The following HMGXB3 variants were observed in gnomAD, a reference collection of about 807,000 sequenced individuals.
HMGXB3 encodes the protein HMG domain-containing protein 3.
HMGXB3 carries 45 observed loss-of-function variants against 121.5 expected under a neutral mutation model. The observed-to-expected ratio is 0.37, with a 90% CI of 0.29 to 0.47. HMGXB3 has a LOEUF of 0.47. HMGXB3 is among the 20% of genes least tolerant of loss of function. HMGXB3 has a pLI of 0.99. For synonymous variants in HMGXB3, 590 were observed against 624.1 expected (o/e 0.95, Z 0.81); for missense variants, 1,376 against 1,602.2 (o/e 0.86, Z 2.41).
chr5:150,048,471 C>A, intron 17 of HMGXB3, 98 bp from the exon 18 acceptor site: 2 of 847,876 alleles, frequency 2.4e-6, no homozygotes, highest in Non-Finnish European at 3.9e-6. Flanking sequence ...GCAGTTTATT[C>A]TTTTGCTTTG....
intron 5 of HMGXB3, among the ~76,000 whole-genome samples, chr5:150,017,048 C>T (rs1352039892): frequency 6.6e-6 from 1 of 152,172 alleles, no homozygotes; most frequent in Non-Finnish European, 1.5e-5. Context: ...GTTATTTCTC[C>T]TGAGTCTTTA....
chr5:150,016,361 AGG>A (rs371242157), intron 5 of HMGXB3, among the ~76,000 whole-genome samples: 6 of 122,162 alleles, frequency 4.9e-5, no homozygotes, highest in African/African-American at 9.6e-5. Flanking sequence ...AAAAAAAAAA[AGG>A]AGGTGACATT....
At chr5:150,038,023 A>G (rs773457829) in intron 13 of HMGXB3, among the ~76,000 whole-genome samples, 12 of 152,210 alleles carry the variant, frequency 7.9e-5, no homozygotes, top group Non-Finnish European at 1.8e-4. Context: ...GAAGTACATG[A>G]CCATTTTTAT....
intron 1 of HMGXB3, among the ~76,000 whole-genome samples, chr5:150,002,053 T>G (rs944606237): frequency 3.3e-5 from 5 of 152,196 alleles, no homozygotes; most frequent in Non-Finnish European, 5.9e-5. Context: ...ACTATGGCAG[T>G]TAGAATGTAG....
At chr5:150,027,592 C>T (rs1323703912) in intron 9 of HMGXB3, among the ~76,000 whole-genome samples, 1 of 151,840 alleles carries the variant, frequency 6.6e-6, no homozygotes, top group Non-Finnish European at 1.5e-5. Flanking sequence ...ACTCTGTCAC[C>T]CAGGCTGGAG....
chr5:150,002,059 TG>T (rs1367446202), intron 1 of HMGXB3, among the ~76,000 whole-genome samples: 1 of 152,214 alleles, frequency 6.6e-6, no homozygotes, highest in Admixed American at 6.5e-5. Flanking sequence ...GCAGTTAGAA[TG>T]TAGGTTTTTG....
intron 9 of HMGXB3, among the ~76,000 whole-genome samples, chr5:150,028,883 T>G (rs1043006243): frequency 6.6e-6 from 1 of 152,010 alleles, no homozygotes; most frequent in Non-Finnish European, 1.5e-5. Context: ...TCTTCTTTAT[T>G]TTATTGTATA....
chr5:150,008,094 C>CACACACACACACACACACACAT (rs746974088), intron 3 of HMGXB3, among the ~76,000 whole-genome samples: 1 of 147,620 alleles, frequency 6.8e-6, no homozygotes, highest in African/African-American at 2.5e-5. Context: ...CACACACACA[C>CACACACACACACACACACACAT]ACACAAATCA....
intron 1 of HMGXB3, 107 bp downstream of exon 1, chr5:150,001,286 C>T (rs1229990899): frequency 6.6e-6 from 1 of 152,324 alleles, no homozygotes; most frequent in Admixed American, 6.5e-5. Context: ...GGCCACTGAG[C>T]CTTAGTGTCC....
At chr5:150,043,646 G>A (rs1230276035) in intron 15 of HMGXB3, among the ~76,000 whole-genome samples, 1 of 152,224 alleles carries the variant, frequency 6.6e-6, no homozygotes, top group Non-Finnish European at 1.5e-5. Flanking sequence ...CCTAGTAGTA[G>A]TGTTAATAAT....
chr5:150,024,747 G>A, intron 7 of HMGXB3, 67 bp downstream of exon 7: 2 of 1,315,474 alleles, frequency 1.5e-6, no homozygotes, highest in Non-Finnish European at 2.0e-6. Context: ...TCTCATGTCT[G>A]TACAGCATGC....
chr5:150,010,505 T>C lies in HMGXB3; in HGVS notation c.707T>C (p.Ile236Thr). Residue 236 changes from isoleucine (I) to threonine (T), a missense_variant, in exon 4 of 20, where the codon ATT becomes ACT. Around this residue, in one of 2 missense-constraint regions of HMGXB3, gnomAD observed 1,116 missense variants for 1,369.0 expected, o/e 0.82. Transcript: ENST00000502717. ...SHQPYQTSLV[I>T]EETLVNGSPD... Reference sequence around the variant, plus strand: ...CAACCTTACCAGACAAGCCTGGTAATTGAAGAGACCTTGGTGAATGGCTCA... The same window carrying C: ...CAACCTTACCAGACAAGCCTGGTAACTGAAGAGACCTTGGTGAATGGCTCA... 6.4e-7 allele frequency: 1 copy of C among 1,551,538 alleles called. No homozygotes were observed. The highest frequency in any genetic ancestry group is 1.2e-5 in the South Asian group (1 of 84,058).
Position 150,050,305 on chromosome 5 carries a change from G to A in HMGXB3, c.3255G>A (p.Val1085=), listed in dbSNP as rs1194156821. The change falls in exon 19 of 20, where the codon GTG becomes GTA. Residue 1085 remains valine, a synonymous_variant. Transcript: ENST00000502717. The stretch of plus-strand genomic sequence containing the variant: ...GAGGTGAGAGTGCCCGTGACCATGT[G>A]GACCTGCTTGCCTCTTCCCGCCACT... ...LVRGESARDH[V]DLLASSRHWP... is the part of the protein sequence containing the mutation. 6.4e-7 allele frequency: 1 copy of A among 1,551,798 alleles called. No individual in the cohort carries two copies.
chr5:150,040,913 G>A (rs1432276974), intron 14 of HMGXB3, 34 bp downstream of exon 14: 3 of 1,502,532 alleles, frequency 2.0e-6, no homozygotes, highest in Non-Finnish European at 1.8e-6. Flanking sequence ...CCCAAGGTTA[G>A]TCCTAAGCTC....
At chr5:150,040,022 C>T (rs1756590524) in intron 13 of HMGXB3, among the ~76,000 whole-genome samples, 1 of 152,174 alleles carries the variant, frequency 6.6e-6, no homozygotes. Flanking sequence ...GTACCCCTTA[C>T]ACATTCATGA....
chr5:150,005,018 G>A (rs1755663015), intron 2 of HMGXB3, 29 bp downstream of exon 2: 3 of 1,533,522 alleles, frequency 2.0e-6, no homozygotes, highest in Non-Finnish European at 1.8e-6. Flanking sequence ...GTTGCTGCTA[G>A]CATTTATAAA....
At chr5:150,022,319 C>T (rs1366057253) in intron 6 of HMGXB3, among the ~76,000 whole-genome samples, 1 of 152,180 alleles carries the variant, frequency 6.6e-6, no homozygotes, top group African/African-American at 2.4e-5. Flanking sequence ...TTCTAGAGTT[C>T]ATACTGGCTA....
chr5:150,048,283 C>T (rs1252431445), intron 17 of HMGXB3, among the ~76,000 whole-genome samples: 1 of 152,170 alleles, frequency 6.6e-6, no homozygotes, highest in Non-Finnish European at 1.5e-5. Flanking sequence ...ATGTTAGCTC[C>T]CCTTTGATGG....
intron 1 of HMGXB3, among the ~76,000 whole-genome samples, chr5:150,003,864 A>T (rs1176098964): frequency 6.6e-6 from 1 of 152,002 alleles, no homozygotes; most frequent in African/African-American, 2.4e-5. Flanking sequence ...CTGAGGTGGA[A>T]GGATTGCTGA....
Sources: allele counts gnomAD v4.1 joint callset (sites outside exome capture counted in the v4.1 genomes callset), GRCh38; gene constraint gnomAD v4.1.1; regional missense constraint gnomAD v4.1.1; transcripts MANE v1.5; gene names NCBI Gene and HGNC (gene_info 2026-07-23, HGNC 2026-07-21).